Variants in TBC1D14 observed in about 807,000 individuals in gnomAD.
TBC1D14 encodes TBC1 domain family, member 14.
TBC1D14 carries 26 observed loss-of-function variants against 79.0 expected under a neutral mutation model. The ratio of observed to expected loss-of-function variants is 0.33; its 90% CI spans 0.24 to 0.46. The LOEUF is 0.46. Among genes scored for constraint, TBC1D14 ranks in the 20% least tolerant of loss-of-function variants. The pLI is 1.00. For synonymous variants in TBC1D14, 394 were observed against 349.9 expected (o/e 1.13, Z -1.40); for missense variants, 769 against 887.6 (o/e 0.87, Z 1.70).
At chr4:6,992,521 A>G (rs940060722) in intron 3 of TBC1D14, among the ~76,000 whole-genome samples, 1 of 152,238 alleles carries the variant, frequency 6.6e-6, no homozygotes, top group Non-Finnish European at 1.5e-5. Flanking sequence ...GCCGATGGAA[A>G]TGGGCATCCA....
At chr4:6,965,105 A>T (rs543494238) in intron 2 of TBC1D14, among the ~76,000 whole-genome samples, 2 of 152,040 alleles carry the variant, frequency 1.3e-5, no homozygotes, top group Admixed American at 1.3e-4. Context: ...CATTAATCCA[A>T]TGTTGTTGTC....
intron 9 of TBC1D14, 43 bp from the exon 10 acceptor site, chr4:7,009,834 A>G (rs1408191221): frequency 6.3e-7 from 1 of 1,598,124 alleles, no homozygotes; most frequent in Non-Finnish European, 8.6e-7. Flanking sequence ...GAGCACTAAC[A>G]GTACTCATGC....
chr4:6,942,492 C>T (rs908285430), intron 2 of TBC1D14, among the ~76,000 whole-genome samples: 1 of 152,234 alleles, frequency 6.6e-6, no homozygotes, highest in African/African-American at 2.4e-5. Context: ...AGTCCAGTTT[C>T]AGTCCAGTTT....
intron 1 of TBC1D14, among the ~76,000 whole-genome samples, chr4:6,919,138 C>G (rs1272123487): frequency 6.6e-6 from 1 of 151,688 alleles, no homozygotes; most frequent in African/African-American, 2.4e-5. Flanking sequence ...TTTGCAGCAC[C>G]TGGGTAATTT....
chr4:6,956,640 G>A (rs1714668542), intron 2 of TBC1D14, among the ~76,000 whole-genome samples: 1 of 152,194 alleles, frequency 6.6e-6, no homozygotes, highest in African/African-American at 2.4e-5. Context: ...GCTTGCCCGG[G>A]GCTGCTTCTC....
intron 3 of TBC1D14, among the ~76,000 whole-genome samples, chr4:6,993,028 A>G (rs1269085363): frequency 1.3e-5 from 2 of 152,168 alleles, no homozygotes; most frequent in East Asian, 3.9e-4. Context: ...TATACTTTTT[A>G]GAGGCCTTTC....
intron 12 of TBC1D14, among the ~76,000 whole-genome samples, chr4:7,020,617 C>G (rs983439080): frequency 6.6e-6 from 1 of 152,248 alleles, no homozygotes; most frequent in East Asian, 1.9e-4. Context: ...ATGGGTGAGA[C>G]TACCTGCTGA....
intron 3 of TBC1D14, among the ~76,000 whole-genome samples, chr4:6,974,135 T>C (rs1051758782): frequency 4.6e-5 from 7 of 152,200 alleles, no homozygotes; most frequent in Admixed American, 2.0e-4. Flanking sequence ...CATGAGCCGC[T>C]GCGCCCAGGC....
At chr4:6,917,840 G>A (rs761726941) in intron 1 of TBC1D14, among the ~76,000 whole-genome samples, 15 of 152,198 alleles carry the variant, frequency 9.9e-5, no homozygotes, top group African/African-American at 2.2e-4. Context: ...ATTATCACGC[G>A]GTAGGTGGCC....
chr4:6,977,840 G>C (rs1285395418), intron 3 of TBC1D14, among the ~76,000 whole-genome samples: 1 of 149,320 alleles, frequency 6.7e-6, no homozygotes. Flanking sequence ...AGTGAGGAGC[G>C]TCTCTGCCCG....
chr4:6,924,427 C>G (rs1724119375), intron 2 of TBC1D14, among the ~76,000 whole-genome samples: 1 of 152,180 alleles, frequency 6.6e-6, no homozygotes, highest in South Asian at 2.1e-4. Flanking sequence ...CCTGTGCACT[C>G]ATAACTTAAC....
chr4:6,987,481 T>G (rs1214825477), intron 3 of TBC1D14: 3 of 878,856 alleles, frequency 3.4e-6, no homozygotes, highest in Non-Finnish European at 4.6e-6. Flanking sequence ...ATGTGTGCGG[T>G]TGTGCGGGTG....
chr4:7,028,150 TAC>T (rs1722654508), intron 13 of TBC1D14, among the ~76,000 whole-genome samples: 4 of 150,802 alleles, frequency 2.7e-5, no homozygotes, highest in Admixed American at 2.6e-4. Context: ...ACGTACACAT[TAC>T]ACACCCACAC....
At chr4:6,976,974 T>C (rs1374819681) in intron 3 of TBC1D14, among the ~76,000 whole-genome samples, 8 of 149,764 alleles carry the variant, frequency 5.3e-5, no homozygotes, top group Non-Finnish European at 1.0e-4. Context: ...CAATTTTAAA[T>C]AAATAGTTGA....
intron 3 of TBC1D14, 126 bp from the exon 4 acceptor site, chr4:6,994,058 G>A: frequency 1.3e-6 from 1 of 775,604 alleles, no homozygotes; most frequent in South Asian, 1.6e-5. Context: ...TAGCAGGAAA[G>A]GTTTTTGGCG....
chr4:6,984,371 T>C (rs1717638475), intron 3 of TBC1D14, among the ~76,000 whole-genome samples: 1 of 152,128 alleles, frequency 6.6e-6, no homozygotes, highest in Admixed American at 6.5e-5. Context: ...GGACTCCTCA[T>C]TGTGGTCTCC....
chr4:7,001,406 G>A (rs898998263), intron 7 of TBC1D14, 155 bp downstream of exon 7: 1 of 652,672 alleles, frequency 1.5e-6, no homozygotes, highest in Non-Finnish European at 2.6e-6. Context: ...GGGGCAGTTG[G>A]GAGGCCTGGG....
chr4:7,028,491 A>G (rs1034595053), intron 13 of TBC1D14, among the ~76,000 whole-genome samples: 4 of 151,638 alleles, frequency 2.6e-5, no homozygotes, highest in East Asian at 1.9e-4. Flanking sequence ...CAGTGGCGCA[A>G]TCTTGGCTCA....
At position 6,998,653 on chromosome 4, in the gene TBC1D14, C is replaced by T. The variant is rs572656010; in HGVS notation, c.1046-432C>T. The T allele has an allele frequency of 1.8e-5, 3 of 165,232 alleles. No individual in the cohort carries two copies. In the South Asian group the frequency reaches 4.4e-4, roughly 24 times the overall value. 10.2% of individuals were successfully genotyped at this position (165,232 alleles called of 1,614,324 possible). On this transcript the variant is annotated intron_variant, in intron 5 of 13. Transcript: ENST00000409757. ...ACCTGGATTCAAGCAATTCTCCTAC[C>T]TTAGCCTCCCCAGTAGCTGGGACTA...
Sources: gnomAD v4.1 joint callset for allele counts (sites outside exome capture counted in the v4.1 genomes callset) on GRCh38, gnomAD v4.1.1 for gene constraint, MANE v1.5 for transcripts, NCBI Gene and HGNC (gene_info 2026-07-23, HGNC 2026-07-21) for gene names.